The following NQO1 variants were observed in gnomAD, a reference collection of about 807,000 sequenced individuals.
NQO1 encodes NAD(P)H quinone dehydrogenase 1, also known as NAD(P)H dehydrogenase [quinone] 1.
In NQO1, 30 loss-of-function variants were observed where a neutral mutation model predicts 32.1. That is an observed-to-expected ratio of 0.94 (90% confidence interval 0.70 to 1.27). The LOEUF is 1.27. Among genes scored for constraint, NQO1 ranks in the 50% most tolerant of loss-of-function variants. The pLI is 0.00. For missense variants in NQO1, 276 were observed against 331.3 expected (o/e 0.83, Z 1.30); for synonymous variants, 109 against 119.7 (o/e 0.91, Z 0.59).
At chr16:69,712,929 C>T (rs55812134) in intron 5 of NQO1, 99 bp downstream of exon 5, 13 of 964,996 alleles carry the variant, frequency 1.3e-5, no homozygotes, top group Non-Finnish European at 1.9e-5. Flanking sequence ...GCGGGCGGAG[C>T]TTGTAGTGAA....
rs769552546 is a variant in NQO1 at position 69,711,133 on chromosome 16, A to G, written c.668T>C (p.Phe223Ser). 4 of 1,614,178 alleles carry G rather than the reference A, an allele frequency of 2.5e-6. No homozygotes were observed. In the Admixed American group the frequency reaches 6.7e-5, roughly 27 times the overall value. The change falls in exon 6 of 6, where the codon TTT becomes TCT. Residue 223 changes from phenylalanine (F) to serine (S), a missense_variant. Physicochemically the swap from Phe to Ser is radical, Grantham distance 155. Transcript: ENST00000320623. ...ENIWDETPLY[F>S]APSSLFDLNF... ...TAGGTCAAAGAGGCTGCTTGGAGCA[A>G]AATACAGTGGTGTCTCATCCCAAAT...
At chr16:69,722,783 C>T (rs182592671) in intron 1 of NQO1, among the ~76,000 whole-genome samples, 9 of 152,304 alleles carry the variant, frequency 5.9e-5, no homozygotes, top group African/African-American at 1.9e-4. Context: ...TCTGAGGCTG[C>T]CTCAACAAAT....
chr16:69,719,305 C>T (rs556327951), intron 1 of NQO1, among the ~76,000 whole-genome samples: 28 of 152,320 alleles, frequency 1.8e-4, no homozygotes, highest in African/African-American at 6.7e-4. Context: ...AATCTTTTAT[C>T]TCGCTCTCCA....
At chr16:69,714,144 T>A (rs892056806) in intron 4 of NQO1, among the ~76,000 whole-genome samples, 3 of 151,232 alleles carry the variant, frequency 2.0e-5, no homozygotes, top group Non-Finnish European at 4.4e-5. Flanking sequence ...CCCAAAGTGC[T>A]GGGATTACAG....
chr16:69,711,035 C>T lies in NQO1; in HGVS notation c.766G>A (p.Val256Met), dbSNP rs1273457280. The T allele has an allele frequency of 6.2e-6, 10 of 1,614,208 alleles. No individual in the cohort carries two copies. The highest frequency in any genetic ancestry group is 3.3e-5 in the Admixed American group (2 of 60,026). Reference protein sequence around the residue: ...EEKNKKFGLSVGHHLGKSIPT... With the variant: ...EEKNKKFGLSMGHHLGKSIPT... ...ATGGACTTGCCCAAGTGATGGCCCA[C>T]AGAAAGGCCAAATTTCTTGTTTTTC... is the stretch of plus-strand genomic sequence containing the variant. The change falls in exon 6 of 6, where the codon GTG becomes ATG. Residue 256 changes from valine to methionine, a missense_variant. Physicochemically the swap from Val to Met is conservative, Grantham distance 21 (BLOSUM62 1). Coordinates refer to ENST00000320623, the MANE Select transcript of NQO1 (RefSeq NM_000903.3).
At chr16:69,712,921 G>T in intron 5 of NQO1, 107 bp downstream of exon 5, 1 of 863,218 alleles carries the variant, frequency 1.2e-6, no homozygotes. Context: ...CGAACCCAGC[G>T]GGCGGAGCTT....
intron 1 of NQO1, among the ~76,000 whole-genome samples, chr16:69,724,832 C>G (rs763194625): frequency 3.9e-5 from 6 of 152,122 alleles, no homozygotes; most frequent in Non-Finnish European, 5.9e-5. Context: ...TAGTTGCAAA[C>G]AAAAAACCTG....
Position 69,711,062 on chromosome 16 carries a change from C to T in NQO1, c.739G>A (p.Glu247Lys), listed in dbSNP as rs2038031938. ...GAAAGGCCAAATTTCTTGTTTTTCT[C>T]CTCATCCTGTACCTCTTTTTTCATT... Reference protein sequence around the residue: ...FLMKKEVQDEEKNKKFGLSVG... With the variant: ...FLMKKEVQDEKKNKKFGLSVG... The change falls in exon 6 of 6, where the codon GAG becomes AAG. Residue 247 changes from glutamate (E) to lysine (K), a missense_variant. Glu to Lys is a moderately conservative substitution (Grantham distance 56, BLOSUM62 1). Coordinates refer to ENST00000320623, the MANE Select transcript of NQO1 (RefSeq NM_000903.3). The T allele has an allele frequency of 3.1e-6, 5 of 1,614,182 alleles. No homozygotes were observed. In the African/African-American group the frequency reaches 5.3e-5, roughly 17 times the overall value.
rs766769436 is a variant in NQO1, at chr16:69,709,734, C to T, written c.*1242G>A. On this transcript the variant is annotated 3_prime_UTR_variant, in exon 6 of 6. Coordinates refer to ENST00000320623, the MANE Select transcript of NQO1 (RefSeq NM_000903.3). ...TTCTCCTTGAATTATATAATACCAACAGTGGAATGAGATGACTTCCAGAAG... is the reference window on the plus strand; with the variant it reads ...TTCTCCTTGAATTATATAATACCAATAGTGGAATGAGATGACTTCCAGAAG... The T allele has an allele frequency of 1.5e-5, 6 of 398,380 alleles. No homozygotes were observed. The highest frequency in any genetic ancestry group is 4.1e-5 in the African/African-American group (2 of 48,586). The allele number at this position is 398,380 out of a possible 1,614,324, so 24.7% of individuals were successfully genotyped here.
chr16:69,715,201 A>G (rs150815698), intron 3 of NQO1, 124 bp from the exon 4 acceptor site: 162 of 711,634 alleles, frequency 2.3e-4, no homozygotes, highest in Non-Finnish European at 3.5e-4. Context: ...CACCTTTCCC[A>G]TTCCTCCTGG....
intron 1 of NQO1, among the ~76,000 whole-genome samples, chr16:69,724,451 C>G (rs1386985615): frequency 1.3e-5 from 2 of 151,772 alleles, no homozygotes; most frequent in African/African-American, 4.8e-5. Flanking sequence ...CTCAGCCTCC[C>G]AAAAGTGCTG....
chr16:69,715,629 G>A (rs1033312211), intron 3 of NQO1, among the ~76,000 whole-genome samples: 2 of 152,020 alleles, frequency 1.3e-5, no homozygotes, highest in Non-Finnish European at 2.9e-5. Flanking sequence ...TCAACCGGGC[G>A]TGGTGGCGCA....
intron 1 of NQO1, among the ~76,000 whole-genome samples, chr16:69,726,196 C>T (rs1438760322): frequency 6.6e-6 from 1 of 152,176 alleles, no homozygotes; most frequent in Non-Finnish European, 1.5e-5. Context: ...TCAAGTTTCT[C>T]CTAAATGCCC....
intron 3 of NQO1, among the ~76,000 whole-genome samples, chr16:69,716,192 A>AATAATC (rs1555537921): frequency 2.8e-4 from 41 of 144,166 alleles, no homozygotes; most frequent in African/African-American, 7.8e-4. Flanking sequence ...TAATAATAAT[A>AATAATC]ATCATCATCA....
intron 3 of NQO1, among the ~76,000 whole-genome samples, chr16:69,716,445 T>C (rs927813687): frequency 5.3e-5 from 8 of 150,876 alleles, no homozygotes; most frequent in Non-Finnish European, 3.0e-5. Context: ...TGAGCCGAGA[T>C]TGCACCATTG....
Position 69,717,260 on chromosome 16 carries a change from T to C in NQO1, c.303+863A>G, listed in dbSNP as rs1597599881. On this transcript the variant is annotated intron_variant, in intron 3 of 5. Coordinates refer to ENST00000320623, the MANE Select transcript of NQO1 (RefSeq NM_000903.3). ...GATCACTGACGAGATGCACGCACAA[T>C]CCCAGCATTGTCTGCTAAACGGTAA... Among the ~76,000 whole-genome samples the C allele has an allele frequency of 2.0e-5, 3 of 152,062 alleles. No individual in the cohort carries two copies. The South Asian group carries it at 6.2e-4, about 32-fold the overall frequency.
intron 1 of NQO1, among the ~76,000 whole-genome samples, chr16:69,722,086 T>C (rs2038199509): frequency 6.7e-6 from 1 of 149,876 alleles, no homozygotes; most frequent in South Asian, 2.1e-4. Context: ...CTCCTGATAA[T>C]GTGCGCTGCT....
At chr16:69,718,020 A>G in intron 3 of NQO1, 103 bp downstream of exon 3, 3 of 1,450,548 alleles carry the variant, frequency 2.1e-6, no homozygotes, top group Non-Finnish European at 2.8e-6. Flanking sequence ...CAGAGAATGC[A>G]GTAAAGTGGG....
intron 1 of NQO1, among the ~76,000 whole-genome samples, chr16:69,724,574 C>T (rs892743003): frequency 6.6e-6 from 1 of 151,676 alleles, no homozygotes; most frequent in Admixed American, 6.6e-5. Flanking sequence ...TGGTGGCACA[C>T]ACCTGTAGTC....
Sources: gnomAD v4.1 joint callset for allele counts (sites outside exome capture counted in the v4.1 genomes callset) on GRCh38, gnomAD v4.1.1 for gene constraint, MANE v1.5 for transcripts, NCBI Gene and HGNC (gene_info 2026-07-23, HGNC 2026-07-21) for gene names.